Variants in FEZ2 observed in about 807,000 individuals in gnomAD.
The protein encoded by FEZ2 is fasciculation and elongation protein zeta 2, also known as fasciculation and elongation protein zeta-2.
Under a neutral mutation model 40.4 loss-of-function variants are expected in FEZ2, and 51 were observed. The observed-to-expected ratio is 1.26, with a 90% CI of 1.01 to 1.59. FEZ2 has a LOEUF of 1.59. FEZ2 is among the 40% of genes most tolerant of loss of function. The pLI, the probability that FEZ2 is intolerant of heterozygous loss-of-function variation, is 0.00. For synonymous variants in FEZ2, 242 were observed against 172.0 expected (o/e 1.41, Z -3.18); for missense variants, 640 against 438.3 (o/e 1.46, Z -4.11).
rs780442539 is a variant in FEZ2, at chr2:36,579,003, A to C, written c.635-138T>G. 100 of 693,998 alleles carry C rather than the reference A, an allele frequency of 1.4e-4. No individual in the cohort carries two copies. The Middle Eastern group carries it at 2.1e-3, about 15-fold the overall frequency. 43.0% of individuals were successfully genotyped at this position (693,998 alleles called of 1,614,324 possible). On this transcript the variant is annotated intron_variant, in intron 4 of 7. Coordinates refer to ENST00000405912, the MANE Select transcript of FEZ2 (RefSeq NM_005102.3). ...AGCAAAAATCATATTCCAAGCAATT[A>C]AATTGACTGTGGGTGATCTTCTCAG... is the stretch of plus-strand genomic sequence containing the variant.
chr2:36,577,543 C>T (rs1358497425), intron 5 of FEZ2, among the ~76,000 whole-genome samples: 2 of 152,188 alleles, frequency 1.3e-5, no homozygotes, highest in South Asian at 2.1e-4. Flanking sequence ...CGCGAGCCAC[C>T]GTGCCCAGCC....
chr2:36,586,709 G>A (rs764117579), intron 2 of FEZ2, among the ~76,000 whole-genome samples: 4 of 152,008 alleles, frequency 2.6e-5, no homozygotes, highest in Non-Finnish European at 5.9e-5. Flanking sequence ...GGGAGGCCAA[G>A]GTGGGAGGAT....
At chr2:36,568,771 T>C (rs1238463677) in intron 5 of FEZ2, among the ~76,000 whole-genome samples, 1 of 152,194 alleles carries the variant, frequency 6.6e-6, no homozygotes, top group Non-Finnish European at 1.5e-5. Flanking sequence ...ACACCAGTAT[T>C]TACGCTGAGA....
intron 1 of FEZ2, among the ~76,000 whole-genome samples, chr2:36,591,762 G>A (rs1308758505): frequency 2.6e-5 from 4 of 152,108 alleles, no homozygotes; most frequent in Non-Finnish European, 5.9e-5. Flanking sequence ...TGAGACTAGG[G>A]AAACAAACTC....
In FEZ2 at chr2:36,552,833, TAAGA is replaced by T. The variant is rs1667852030; in HGVS notation, c.*326_*329del. Reference sequence around the variant, plus strand: ...ATCTAGTTCATCAGTGCAGTTTAGATAAGAAAGCCATAAAAACAAATGGGCATAC... The same window carrying T: ...ATCTAGTTCATCAGTGCAGTTTAGATAAGCCATAAAAACAAATGGGCATAC... On this transcript the variant is annotated 3_prime_UTR_variant, in exon 8 of 8. Transcript: ENST00000405912. 2 of 290,372 alleles carry T rather than the reference TAAGA, an allele frequency of 6.9e-6. No individual in the cohort carries two copies. Among genetic ancestry groups the T allele is most frequent in the Non-Finnish European group, 1.3e-5 (2 of 156,528 alleles). The allele number at this position is 290,372 out of a possible 1,614,324, so 18.0% of individuals were successfully genotyped here.
rs1396613405 is a variant in FEZ2 at position 36,578,681 on chromosome 2, G to T, written c.819C>A (p.His273Gln). 4 of 1,613,368 alleles carry T rather than the reference G, an allele frequency of 2.5e-6. No homozygotes were observed. The African/African-American group carries it at 4.0e-5, about 16-fold the overall frequency. ...TCTTTTTCTTTTTTGCTGTTTCTTT[G>T]TGCTCTTTCTGTTTGTTTTGCACTT... Reference protein sequence around the residue: ...LIEVQNKQKEHKETAKKKKKL... With the variant: ...LIEVQNKQKEQKETAKKKKKL... The change falls in exon 5 of 8, where the codon CAC (histidine) becomes CAA (glutamine). Residue 273 changes from histidine to glutamine, a missense_variant. His to Gln is a conservative substitution (Grantham distance 24). Coordinates refer to ENST00000405912, the MANE Select transcript of FEZ2 (RefSeq NM_005102.3).
At chr2:36,589,860 A>G (rs996838337) in intron 2 of FEZ2, 1 of 152,254 alleles carries the variant, frequency 6.6e-6, no homozygotes, top group Non-Finnish European at 1.5e-5. Context: ...CTACTGCACT[A>G]TATTCTCAAT....
In FEZ2 at chr2:36,587,955, T is replaced by C. The variant is rs553336579; in HGVS notation, c.375+2948A>G. On this transcript the variant is annotated intron_variant, in intron 2 of 7. Coordinates refer to ENST00000405912, the MANE Select transcript of FEZ2 (RefSeq NM_005102.3). ...ATTCTATTCATCACCAGAATAGTCA[T>C]GTCACAACAGAGAGATGATAGGTGA... 3.3e-5 allele frequency among the ~76,000 whole-genome samples: 5 copies of C among 152,344 alleles called. No individual in the cohort carries two copies. In the East Asian group the frequency reaches 7.7e-4, roughly 24 times the overall value.
At chr2:36,594,779 T>G (rs1669165691) in intron 1 of FEZ2, among the ~76,000 whole-genome samples, 1 of 152,224 alleles carries the variant, frequency 6.6e-6, no homozygotes, top group Admixed American at 6.5e-5. Flanking sequence ...TTGCTTTGTC[T>G]GCTGATTTGC....
At chr2:36,584,777 C>G (rs188117008) in intron 2 of FEZ2, among the ~76,000 whole-genome samples, 2 of 152,312 alleles carry the variant, frequency 1.3e-5, no homozygotes, top group Non-Finnish European at 2.9e-5. Flanking sequence ...TACTGCTTCC[C>G]TAGTTCTTCA....
intron 2 of FEZ2, among the ~76,000 whole-genome samples, chr2:36,588,326 C>G (rs1388263741): frequency 6.6e-6 from 1 of 152,196 alleles, no homozygotes; most frequent in Non-Finnish European, 1.5e-5. Flanking sequence ...CCGCGCCCAG[C>G]CAGGTAAGGC....
intron 2 of FEZ2, among the ~76,000 whole-genome samples, chr2:36,588,252 T>G (rs140357330): frequency 6.6e-6 from 1 of 152,284 alleles, no homozygotes; most frequent in African/African-American, 2.4e-5. Flanking sequence ...GGTCTCAAAC[T>G]CCTGACCTTA....
At chr2:36,596,799 G>C (rs753179268) in intron 1 of FEZ2, among the ~76,000 whole-genome samples, 1 of 151,990 alleles carries the variant, frequency 6.6e-6, no homozygotes, top group Non-Finnish European at 1.5e-5. Flanking sequence ...CAGCCTCTCC[G>C]GAGGCTCCTC....
Position 36,561,547 on chromosome 2 carries a change from T to C in FEZ2, c.904-3034A>G, listed in dbSNP as rs539356227. ...TCTTTCTCCCAGCAACCTCCAAGAC[T>C]TCCTAGAATTCTTTGTACTGAAAAG... On this transcript the variant is annotated intron_variant, in intron 5 of 7. Transcript: ENST00000405912. The C allele has an allele frequency of 4.6e-5, 7 of 152,308 alleles. No homozygotes were observed. The East Asian group carries it at 1.3e-3, about 29-fold the overall frequency. 9.4% of individuals were successfully genotyped at this position (152,308 alleles called of 1,614,324 possible). A position where few individuals can be genotyped will look rare whatever the true frequency, so the allele number is the denominator to read the frequency against.
intron 5 of FEZ2, among the ~76,000 whole-genome samples, chr2:36,576,008 T>C (rs1257652581): frequency 5.3e-5 from 8 of 151,994 alleles, no homozygotes; most frequent in Non-Finnish European, 1.0e-4. Context: ...GAAAAACAGG[T>C]AACATATGAC....
At chr2:36,567,485 G>C (rs1444085748) in intron 5 of FEZ2, among the ~76,000 whole-genome samples, 2 of 152,078 alleles carry the variant, frequency 1.3e-5, no homozygotes, top group Admixed American at 6.5e-5. Context: ...ACCCCGGCCA[G>C]GCACGGAGGC....
chr2:36,579,069 G>C (rs1224189038), intron 4 of FEZ2: 2 of 500,468 alleles, frequency 4.0e-6, no homozygotes, highest in Non-Finnish European at 6.9e-6. Context: ...GTAGAGGTAA[G>C]TGGGCAGGTG....
At chr2:36,577,498 C>T (rs1472227477) in intron 5 of FEZ2, among the ~76,000 whole-genome samples, 1 of 152,178 alleles carries the variant, frequency 6.6e-6, no homozygotes, top group African/African-American at 2.4e-5. Context: ...AGGTGATCAG[C>T]CCACCTCGGC....
In FEZ2 at chr2:36,578,639, G is replaced by A; in HGVS notation, c.861C>T (p.Ser287=). 3.1e-6 allele frequency: 5 copies of A among 1,613,510 alleles called. No individual in the cohort carries two copies. Among genetic ancestry groups the A allele is most frequent in the Non-Finnish European group, 3.4e-6 (4 of 1,179,812 alleles). ...AKKKKKLKNG[S]SQNGKNERSH... is the part of the protein sequence containing the mutation. The stretch of plus-strand genomic sequence containing the variant: ...TTCTCTCATTCTTCCCATTCTGAGA[G>A]CTGCCATTTTTTAGTTTCTTTTTCT... The change falls in exon 5 of 8, where the codon AGC becomes AGT. Residue 287 remains serine (S), a synonymous_variant. Transcript: ENST00000405912.
Sources: gnomAD v4.1 joint callset for allele counts (sites outside exome capture counted in the v4.1 genomes callset) on GRCh38, gnomAD v4.1.1 for gene constraint, MANE v1.5 for transcripts, NCBI Gene and HGNC (gene_info 2026-07-23, HGNC 2026-07-21) for gene names.